The following ABCG2 variants were observed in gnomAD, a reference collection of about 807,000 sequenced individuals.
The protein encoded by ABCG2 is broad substrate specificity ATP-binding cassette transporter ABCG2.
ABCG2 carries 80 observed loss-of-function variants against 73.5 expected under a neutral mutation model. The observed-to-expected ratio is 1.09, with a 90% CI of 0.91 to 1.31. The LOEUF (loss-of-function observed/expected upper bound fraction) is 1.31. Among genes scored for constraint, ABCG2 ranks in the 50% most tolerant of loss-of-function variants. The probability of loss-of-function intolerance (pLI) is 0.00; values close to 1 mark genes in which losing one functional copy is unlikely to be tolerated. For synonymous variants in ABCG2, 269 were observed against 282.4 expected (o/e 0.95, Z 0.48); for missense variants, 796 against 786.2 (o/e 1.01, Z -0.15).
intron 5 of ABCG2, among the ~76,000 whole-genome samples, chr4:88,129,030 T>C (rs2110036320): frequency 6.6e-6 from 1 of 152,258 alleles, no homozygotes; most frequent in African/African-American, 2.4e-5. Flanking sequence ...GAAATCACAG[T>C]CTAAAAAGGG....
intron 9 of ABCG2, among the ~76,000 whole-genome samples, chr4:88,110,174 T>TTA (rs1723036448): frequency 6.6e-6 from 1 of 152,102 alleles, no homozygotes; most frequent in Non-Finnish European, 1.5e-5. Context: ...AATATAAAAT[T>TTA]TATATAAAAT....
chr4:88,140,903 CA>C (rs554653756), intron 1 of ABCG2, among the ~76,000 whole-genome samples: 106 of 151,530 alleles, frequency 7.0e-4, no homozygotes, highest in Middle Eastern at 3.4e-3. Flanking sequence ...TAAATCAAAC[CA>C]AAAGTTGAGC....
At chr4:88,115,280 A>AT (rs1458529740) in intron 7 of ABCG2, among the ~76,000 whole-genome samples, 2 of 45,302 alleles carry the variant, frequency 4.4e-5, no homozygotes, top group African/African-American at 1.7e-4. Context: ...ATATATATAT[A>AT]TATAATTTAT....
chr4:88,163,673 G>A (rs1727403418), upstream of ABCG2: 1 of 294,762 alleles, frequency 3.4e-6, no homozygotes. Flanking sequence ...ATTCACAAGC[G>A]CATTCATAGA....
At chr4:88,185,768 A>T (rs1034277640) in intron 1 of ABCG2, among the ~76,000 whole-genome samples, 1 of 152,198 alleles carries the variant, frequency 6.6e-6, no homozygotes, top group Non-Finnish European at 1.5e-5. Context: ...CATTATCATT[A>T]ATCAGAGAAA....
chr4:88,116,182 G>C (rs1427444429), intron 7 of ABCG2, among the ~76,000 whole-genome samples: 2 of 152,140 alleles, frequency 1.3e-5, no homozygotes, highest in Non-Finnish European at 2.9e-5. Context: ...GCGACAGAGT[G>C]AGACTCTGTC....
At chr4:88,095,100 T>C (rs529784336) in intron 14 of ABCG2, among the ~76,000 whole-genome samples, 2 of 152,358 alleles carry the variant, frequency 1.3e-5, no homozygotes, top group East Asian at 1.9e-4. Flanking sequence ...AAGACACAGA[T>C]AGTTTACTTT....
intron 13 of ABCG2, among the ~76,000 whole-genome samples, chr4:88,096,080 A>G (rs955072539): frequency 6.6e-6 from 1 of 152,224 alleles, no homozygotes; most frequent in Non-Finnish European, 1.5e-5. Context: ...TTTGCAGTCT[A>G]TATCCATATG....
intron 9 of ABCG2, 67 bp downstream of exon 9, chr4:88,113,236 C>G (rs1578187617): frequency 6.5e-7 from 1 of 1,549,820 alleles, no homozygotes; most frequent in East Asian, 2.3e-5. Flanking sequence ...ATAAACATAT[C>G]CTGAAGCAGA....
intron 1 of ABCG2, among the ~76,000 whole-genome samples, chr4:88,218,350 AGC>A (rs1261692268): frequency 6.6e-6 from 1 of 152,222 alleles, no homozygotes; most frequent in Non-Finnish European, 1.5e-5. Flanking sequence ...GCTTCATAAC[AGC>A]AGGTATTTCT....
At chr4:88,130,471 T>C (rs1578208588) in intron 5 of ABCG2, among the ~76,000 whole-genome samples, 1 of 152,078 alleles carries the variant, frequency 6.6e-6, no homozygotes. Context: ...TCATTATATA[T>C]TACAATGAAA....
In ABCG2 at chr4:88,223,189, C is replaced by T. The variant is rs144544886; in HGVS notation, c.-20+7805G>A. On this transcript the variant is annotated intron_variant, in intron 1 of 15. Transcript: ENST00000515655. ...TCTCAGATAAGACTTAGGACTTGGA[C>T]TTTTGGGTTAATGCTGGAATGAGTT... 4.1e-3 allele frequency among the ~76,000 whole-genome samples: 622 copies of T among 152,190 alleles called. 2 individuals are homozygous for T. Among genetic ancestry groups the T allele is most frequent in the African/African-American group, 0.014 (601 of 41,522 alleles).
intron 1 of ABCG2, among the ~76,000 whole-genome samples, chr4:88,204,782 A>T (rs1411356525): frequency 1.3e-5 from 2 of 152,200 alleles, no homozygotes. Flanking sequence ...GCAGAAGGGA[A>T]TTTGTCATTC....
chr4:88,109,075 T>C (rs577388015), intron 9 of ABCG2, among the ~76,000 whole-genome samples: 1 of 151,140 alleles, frequency 6.6e-6, no homozygotes, highest in East Asian at 1.9e-4. Flanking sequence ...CTCGGCTCAC[T>C]GTAACCTCCA....
chr4:88,121,408 G>A (rs1723958255), intron 6 of ABCG2, among the ~76,000 whole-genome samples: 1 of 152,064 alleles, frequency 6.6e-6, no homozygotes, highest in Admixed American at 6.6e-5. Flanking sequence ...TAAAGAGACA[G>A]CAGCAAAACA....
At chr4:88,194,345 T>TA in intron 1 of ABCG2, among the ~76,000 whole-genome samples, 1 of 151,720 alleles carries the variant, frequency 6.6e-6, no homozygotes, top group African/African-American at 2.4e-5. Flanking sequence ...GGTCAGGAGA[T>TA]AAAGACCATC....
chr4:88,094,952 C>G (rs1721886884), intron 14 of ABCG2, among the ~76,000 whole-genome samples: 1 of 152,176 alleles, frequency 6.6e-6, no homozygotes, highest in Non-Finnish European at 1.5e-5. Flanking sequence ...TTTTGTAACT[C>G]CATAAACATT....
chr4:88,229,753 C>G (rs1489563828), intron 1 of ABCG2, among the ~76,000 whole-genome samples: 1 of 151,996 alleles, frequency 6.6e-6, no homozygotes, highest in Non-Finnish European at 1.5e-5. Context: ...CTTTTTTCCT[C>G]TTGGCTTGTT....
At chr4:88,212,651 G>A (rs1331514358) in intron 1 of ABCG2, among the ~76,000 whole-genome samples, 1 of 151,966 alleles carries the variant, frequency 6.6e-6, no homozygotes, top group African/African-American at 2.4e-5. Context: ...AATTACACCA[G>A]TATTTCACTG....
Sources: allele counts gnomAD v4.1 joint callset (sites outside exome capture counted in the v4.1 genomes callset), GRCh38; gene constraint gnomAD v4.1.1; transcripts MANE v1.5; gene names NCBI Gene and HGNC (gene_info 2026-07-23, HGNC 2026-07-21).